Variants in ARHGAP6 observed in about 807,000 individuals in gnomAD.
ARHGAP6 encodes the protein rho GTPase-activating protein 6.
ARHGAP6 carries 16 observed loss-of-function variants against 55.7 expected under a neutral mutation model. The ratio of observed to expected loss-of-function variants is 0.29; its 90% CI spans 0.19 to 0.44. The LOEUF (loss-of-function observed/expected upper bound fraction) is 0.44. Ranked by LOEUF, ARHGAP6 falls within the 20% of genes least tolerant of loss-of-function variation. The pLI is 1.00. For missense variants in ARHGAP6, 698 were observed against 808.9 expected (o/e 0.86, Z 1.66); for synonymous variants, 382 against 360.9 (o/e 1.06, Z -0.66).
At chrX:11,274,900 A>G (rs2047738726) in intron 1 of ARHGAP6, among the ~76,000 whole-genome samples, 1 of 111,877 alleles carries the variant, frequency 8.9e-6, no homozygotes, top group Non-Finnish European at 1.9e-5. Context: ...GGGTCCACAG[A>G]GATCACTCAA....
chrX:11,445,058 T>G (rs963876207), intron 1 of ARHGAP6, among the ~76,000 whole-genome samples: 1 of 112,419 alleles, frequency 8.9e-6, no homozygotes, highest in African/African-American at 3.2e-5. Context: ...AAAGCAAATA[T>G]GAAAGCCATT....
intron 1 of ARHGAP6, among the ~76,000 whole-genome samples, chrX:11,570,926 T>C (rs1049335004): frequency 3.6e-5 from 4 of 111,227 alleles, no homozygotes; most frequent in African/African-American, 9.8e-5. Flanking sequence ...AGTGTATTTG[T>C]GCCTTGTAAA....
At chrX:11,294,796 C>A (rs753863554) in intron 1 of ARHGAP6, 13 of 1,209,816 alleles carry the variant, frequency 1.1e-5, no homozygotes, top group Admixed American at 4.4e-5. Flanking sequence ...GAAATGGGGA[C>A]CTGGATTTTA....
chrX:11,315,172 A>G (rs1411109792), intron 1 of ARHGAP6, among the ~76,000 whole-genome samples: 1 of 112,627 alleles, frequency 8.9e-6, no homozygotes, highest in African/African-American at 3.2e-5. Flanking sequence ...TAGCTTCGCT[A>G]TGTTTTAGAC....
At chrX:11,348,535 A>G (rs1221690985) in intron 1 of ARHGAP6, among the ~76,000 whole-genome samples, 1 of 112,344 alleles carries the variant, frequency 8.9e-6, no homozygotes, top group African/African-American at 3.2e-5. Flanking sequence ...CCCTGGATCC[A>G]GCTCAATCAC....
chrX:11,442,390 T>C (rs914377238), intron 1 of ARHGAP6, among the ~76,000 whole-genome samples: 1 of 110,798 alleles, frequency 9.0e-6, no homozygotes, highest in African/African-American at 3.3e-5. Flanking sequence ...CTAAAATTGA[T>C]TTTTTTTAGA....
chrX:11,298,973 G>C lies in ARHGAP6; in HGVS notation c.589-44266C>G, dbSNP rs779785692. The C allele has an allele frequency of 3.5e-5, 42 of 1,208,800 alleles. No individual in the cohort carries two copies. In the Admixed American group the frequency reaches 9.0e-4, roughly 26 times the overall value. ...CAGACAAGACCAAGCGGGAGGAAGT[G>C]GTGAGTATATTTTGAAGCCACTACA... On this transcript the variant is annotated intron_variant, in intron 1 of 12. Transcript: ENST00000337414.
chrX:11,220,445 C>T (rs113111644), intron 2 of ARHGAP6, among the ~76,000 whole-genome samples: 2 of 111,212 alleles, frequency 1.8e-5, no homozygotes. Context: ...CGGCAGAAAC[C>T]CTACAAGCCA....
intron 1 of ARHGAP6, among the ~76,000 whole-genome samples, chrX:11,648,065 A>G (rs1437963083): frequency 8.9e-6 from 1 of 112,259 alleles, no homozygotes; most frequent in Non-Finnish European, 1.9e-5. Context: ...TTACAGTTAG[A>G]CAGGAAAAAT....
At chrX:11,553,601 C>A (rs1209303710) in intron 1 of ARHGAP6, among the ~76,000 whole-genome samples, 2 of 111,590 alleles carry the variant, frequency 1.8e-5, no homozygotes, top group African/African-American at 6.5e-5. Flanking sequence ...AGGAAATAGT[C>A]CTTTTCTAAT....
intron 1 of ARHGAP6, among the ~76,000 whole-genome samples, chrX:11,278,010 A>T (rs750077104): frequency 8.9e-6 from 1 of 111,775 alleles, no homozygotes; most frequent in East Asian, 2.8e-4. Flanking sequence ...TACCCCTTAC[A>T]AGATAGTCAT....
rs1260188398 is a variant in ARHGAP6 at position 11,455,243 on chromosome X, T to G, written c.589-200536A>C. 2.7e-5 allele frequency among the ~76,000 whole-genome samples: 3 copies of G among 112,480 alleles called. No homozygotes were observed. In the East Asian group the frequency reaches 8.3e-4, roughly 31 times the overall value. ...TACTGAATCCAAACTCTAAAGTACTTTTGCAGATTTTGCAGAGTGAAGACA... is the reference window on the plus strand; with the variant it reads ...TACTGAATCCAAACTCTAAAGTACTGTTGCAGATTTTGCAGAGTGAAGACA... On this transcript the variant is annotated intron_variant, in intron 1 of 12. Coordinates refer to ENST00000337414, the MANE Select transcript of ARHGAP6 (RefSeq NM_013427.3).
At chrX:11,419,709 C>A (rs1236875641) in intron 1 of ARHGAP6, among the ~76,000 whole-genome samples, 1 of 112,431 alleles carries the variant, frequency 8.9e-6, no homozygotes, top group South Asian at 3.7e-4. Context: ...ACGTGCTCCA[C>A]AAAGTGCTGA....
chrX:11,355,494 T>A (rs143719724), intron 1 of ARHGAP6, among the ~76,000 whole-genome samples: 1,616 of 112,436 alleles, frequency 0.014, 13 homozygotes, highest in Non-Finnish European at 0.023. Flanking sequence ...ATCTGGCCTA[T>A]CTTTCAAGAG....
chrX:11,522,248 A>T (rs2050937589), intron 1 of ARHGAP6, among the ~76,000 whole-genome samples: 1 of 111,454 alleles, frequency 9.0e-6, no homozygotes, highest in African/African-American at 3.3e-5. Flanking sequence ...GTGTAGAGGG[A>T]AATTTATAGC....
At chrX:11,310,301 T>TTA (rs772046098) in intron 1 of ARHGAP6, among the ~76,000 whole-genome samples, 323 of 109,438 alleles carry the variant, frequency 3.0e-3, no homozygotes, top group Non-Finnish European at 5.0e-3. Context: ...ACATTTGCCA[T>TTA]TATACTCAGC....
intron 1 of ARHGAP6, among the ~76,000 whole-genome samples, chrX:11,375,256 A>G (rs2049187419): frequency 8.9e-6 from 1 of 112,174 alleles, no homozygotes; most frequent in African/African-American, 3.2e-5. Flanking sequence ...ATGCCATTTC[A>G]TTATCAGCAA....
intron 1 of ARHGAP6, among the ~76,000 whole-genome samples, chrX:11,347,651 T>C (rs1253661833): frequency 8.9e-6 from 1 of 111,907 alleles, no homozygotes; most frequent in African/African-American, 3.3e-5. Flanking sequence ...ATCAATCAGG[T>C]GATGATAGGA....
At chrX:11,245,120 C>A (rs1346810314) in intron 2 of ARHGAP6, among the ~76,000 whole-genome samples, 2 of 111,867 alleles carry the variant, frequency 1.8e-5, no homozygotes, top group Admixed American at 1.9e-4. Context: ...GATGAGGCAG[C>A]TTCTATCTAA....
Sources: gnomAD v4.1 joint callset for allele counts (sites outside exome capture counted in the v4.1 genomes callset) on GRCh38, gnomAD v4.1.1 for gene constraint, MANE v1.5 for transcripts, NCBI Gene and HGNC (gene_info 2026-07-23, HGNC 2026-07-21) for gene names.